The following RBM47 variants were observed in gnomAD, a reference collection of about 807,000 sequenced individuals.
The protein encoded by RBM47 is RNA-binding protein 47.
RBM47 carries 21 observed loss-of-function variants against 47.1 expected under a neutral mutation model. The ratio of observed to expected loss-of-function variants is 0.45; its 90% CI spans 0.32 to 0.64. The LOEUF (loss-of-function observed/expected upper bound fraction) is 0.64. Ranked by LOEUF, RBM47 falls within the 30% of genes least tolerant of loss-of-function variation. The pLI, the probability that RBM47 is intolerant of heterozygous loss-of-function variation, is 0.05. For synonymous variants in RBM47, 375 were observed against 361.7 expected, an observed-to-expected ratio of 1.04 and a Z score of -0.42; for missense variants, 708 against 870.9, an observed-to-expected ratio of 0.81 and a Z score of 2.35.
intron 2 of RBM47, among the ~76,000 whole-genome samples, chr4:40,521,160 T>C (rs559183511): frequency 3.3e-5 from 5 of 152,208 alleles, no homozygotes; most frequent in African/African-American, 1.2e-4. Flanking sequence ...TTATTTTATT[T>C]TTTATTTCTT....
intron 1 of RBM47, among the ~76,000 whole-genome samples, chr4:40,560,153 T>A (rs1730470986): frequency 6.6e-6 from 1 of 152,226 alleles, no homozygotes; most frequent in Admixed American, 6.5e-5. Context: ...GTCTGACAGT[T>A]GTCAGGAATT....
At chr4:40,540,069 T>A (rs1728360543) in intron 2 of RBM47, among the ~76,000 whole-genome samples, 1 of 152,156 alleles carries the variant, frequency 6.6e-6, no homozygotes, top group Non-Finnish European at 1.5e-5. Context: ...TTATTTTACT[T>A]AAAGTTCCCA....
At position 40,487,994 on chromosome 4, in the gene RBM47, G is replaced by A. The variant is rs1336389065; in HGVS notation, c.-154-21295C>T. 2.6e-5 allele frequency among the ~76,000 whole-genome samples: 4 copies of A among 152,090 alleles called. No homozygotes were observed. The South Asian group carries it at 6.2e-4, about 24-fold the overall frequency. ...CTTTAGTGAAGCTTTTGATGAAAGG[G>A]ATTAATAAGAGTTAGGGGTGAGGGA... On this transcript the variant is annotated intron_variant, in intron 2 of 6. Transcript: ENST00000295971.
At chr4:40,500,416 G>A (rs1223659144) in intron 2 of RBM47, among the ~76,000 whole-genome samples, 1 of 152,050 alleles carries the variant, frequency 6.6e-6, no homozygotes, top group Non-Finnish European at 1.5e-5. Context: ...GTCGAGACCA[G>A]CCTGGGCAAC....
chr4:40,431,523 T>G (rs552130997), intron 6 of RBM47, among the ~76,000 whole-genome samples: 1 of 152,046 alleles, frequency 6.6e-6, no homozygotes. Context: ...CCGGGCATGG[T>G]GGCGTGCGCC....
chr4:40,469,775 A>G (rs900153957), intron 2 of RBM47, among the ~76,000 whole-genome samples: 1 of 151,882 alleles, frequency 6.6e-6, no homozygotes, highest in African/African-American at 2.4e-5. Flanking sequence ...TTCCCTTTTT[A>G]TGATGTAGCA....
intron 1 of RBM47, among the ~76,000 whole-genome samples, chr4:40,556,939 G>A (rs991836519): frequency 6.6e-6 from 1 of 151,220 alleles, no homozygotes; most frequent in African/African-American, 2.4e-5. Context: ...ATGAAGAGCT[G>A]CAGGTGGGTT....
intron 3 of RBM47, among the ~76,000 whole-genome samples, chr4:40,445,049 C>T (rs530065357): frequency 3.4e-4 from 51 of 151,858 alleles, no homozygotes; most frequent in Middle Eastern, 6.8e-3. Flanking sequence ...CCGAGGAGGG[C>T]GGATCACAAG....
intron 1 of RBM47, among the ~76,000 whole-genome samples, chr4:40,596,329 G>C (rs978478474): frequency 6.6e-6 from 1 of 152,194 alleles, no homozygotes; most frequent in Non-Finnish European, 1.5e-5. Flanking sequence ...GAAAAAGACA[G>C]GAGAATTCTT....
intron 1 of RBM47, among the ~76,000 whole-genome samples, chr4:40,574,553 A>G (rs903804354): frequency 2.0e-5 from 3 of 152,252 alleles, no homozygotes; most frequent in African/African-American, 7.2e-5. Flanking sequence ...GGAAGCTATC[A>G]AAGTATTGGA....
chr4:40,542,926 G>A (rs1728689414), intron 2 of RBM47: 1 of 152,102 alleles, frequency 6.6e-6, no homozygotes. Context: ...TATCTTCTGT[G>A]ACTACTAAAG....
chr4:40,535,371 C>CTTTTTTTT (rs1177127352), intron 2 of RBM47, among the ~76,000 whole-genome samples: 3 of 103,458 alleles, frequency 2.9e-5, no homozygotes, highest in African/African-American at 4.3e-5. Flanking sequence ...TATGGTATTT[C>CTTTTTTTT]TTTTTTTTTT....
At chr4:40,591,906 G>A (rs1015779479) in intron 1 of RBM47, among the ~76,000 whole-genome samples, 1 of 152,078 alleles carries the variant, frequency 6.6e-6, no homozygotes, top group Admixed American at 6.6e-5. Flanking sequence ...GAATTTGGTG[G>A]GAGGTAAATT....
At chr4:40,559,639 A>G (rs1577959019) in intron 1 of RBM47, among the ~76,000 whole-genome samples, 1 of 152,054 alleles carries the variant, frequency 6.6e-6, no homozygotes, top group Non-Finnish European at 1.5e-5. Context: ...TTCAGCAAAT[A>G]TTTTTTGAGT....
At chr4:40,454,903 C>T (rs1716000009) in intron 3 of RBM47, among the ~76,000 whole-genome samples, 1 of 148,010 alleles carries the variant, frequency 6.8e-6, no homozygotes, top group African/African-American at 2.7e-5. Context: ...CTCTTTCTAC[C>T]ATGATACTCA....
At chr4:40,455,509 T>A (rs1158427301) in intron 3 of RBM47, 2 of 152,282 alleles carry the variant, frequency 1.3e-5, no homozygotes, top group Non-Finnish European at 2.9e-5. Flanking sequence ...AAGCCTATAA[T>A]CCCAGCACTT....
chr4:40,440,438 G>A (rs1263927675), intron 3 of RBM47, among the ~76,000 whole-genome samples: 1 of 152,056 alleles, frequency 6.6e-6, no homozygotes, highest in Non-Finnish European at 1.5e-5. Context: ...AGAACCCGGA[G>A]TATCATTCAT....
chr4:40,499,167 T>G (rs977450918), intron 2 of RBM47, among the ~76,000 whole-genome samples: 1 of 152,200 alleles, frequency 6.6e-6, no homozygotes, highest in Non-Finnish European at 1.5e-5. Context: ...GAATTTGTAT[T>G]TTATTCCCTC....
At chr4:40,553,007 A>C (rs1729714276) in intron 1 of RBM47, among the ~76,000 whole-genome samples, 2 of 150,268 alleles carry the variant, frequency 1.3e-5, no homozygotes, top group African/African-American at 2.4e-5. Context: ...TCACGCTGTC[A>C]CCCAGGCTGG....
Sources: allele counts gnomAD v4.1 joint callset (sites outside exome capture counted in the v4.1 genomes callset), GRCh38; gene constraint gnomAD v4.1.1; transcripts MANE v1.5; gene names NCBI Gene and HGNC (gene_info 2026-07-23, HGNC 2026-07-21).